CD44: variants seen among roughly 807,000 people sequenced by gnomAD.
The protein encoded by CD44 is CD44 molecule (IN blood group), also known as CD44 antigen.
In CD44, 49 loss-of-function variants were observed where a neutral mutation model predicts 88.8. The ratio of observed to expected loss-of-function variants is 0.55; its 90% confidence interval spans 0.44 to 0.70. The LOEUF (loss-of-function observed/expected upper bound fraction) is 0.70, where lower values mean the gene tolerates loss of function less well. Among genes scored for constraint, CD44 ranks in the 30% least tolerant of loss-of-function variants. The pLI is 0.00. For missense variants in CD44, 883 were observed against 913.8 expected (o/e 0.97, Z 0.43); for synonymous variants, 325 against 312.3 (o/e 1.04, Z -0.43).
chr11:35,197,969 A>G (rs1363665939), intron 6 of CD44, 152 bp from the exon 7 acceptor site: 1 of 629,180 alleles, frequency 1.6e-6, no homozygotes, highest in Non-Finnish European at 2.7e-6. Flanking sequence ...TTCGGAGATC[A>G]GAACATAAGA....
intron 1 of CD44, among the ~76,000 whole-genome samples, chr11:35,163,057 T>G (rs565610559): frequency 1.3e-5 from 2 of 152,318 alleles, no homozygotes; most frequent in African/African-American, 4.8e-5. Flanking sequence ...TTGTCACTTG[T>G]AATGCTTTGT....
chr11:35,226,380 T>C lies in CD44; in HGVS notation c.2025-2749T>C, dbSNP rs537450125. On this transcript the variant is annotated intron_variant, in intron 17 of 17. Coordinates refer to ENST00000428726, the MANE Select transcript of CD44 (RefSeq NM_000610.4). Reference sequence around the variant, plus strand: ...TTAGGGAAATGGGAATTACTTTAACTAGACAACTTTCCTCCAAAGAACACA... The same window carrying C: ...TTAGGGAAATGGGAATTACTTTAACCAGACAACTTTCCTCCAAAGAACACA... 7.9e-5 allele frequency among the ~76,000 whole-genome samples: 12 copies of C among 152,332 alleles called. No individual in the cohort carries two copies. The East Asian group carries it at 2.3e-3, about 29-fold the overall frequency.
chr11:35,158,938 C>T (rs1942257295), intron 1 of CD44, among the ~76,000 whole-genome samples: 1 of 152,230 alleles, frequency 6.6e-6, no homozygotes, highest in Non-Finnish European at 1.5e-5. Flanking sequence ...CAGGATCAGC[C>T]TCTTCCTGCC....
intron 17 of CD44, among the ~76,000 whole-genome samples, chr11:35,225,712 G>T (rs12290471): frequency 0.035 from 5,325 of 152,230 alleles, 270 homozygotes; most frequent in African/African-American, 0.12. Flanking sequence ...AGCTACTTGG[G>T]TGGCTGAGGC....
chr11:35,195,229 T>C (rs1376022606), intron 5 of CD44, among the ~76,000 whole-genome samples: 1 of 152,248 alleles, frequency 6.6e-6, no homozygotes, highest in African/African-American at 2.4e-5. Flanking sequence ...TTAATGGCCA[T>C]ATTTCAAAAT....
intron 4 of CD44, among the ~76,000 whole-genome samples, chr11:35,187,274 C>CA (rs1019788120): frequency 2.0e-4 from 30 of 147,804 alleles, no homozygotes; most frequent in Middle Eastern, 3.4e-3. Context: ...ACTCCATTTC[C>CA]AAAAAAAAAG....
intron 2 of CD44, among the ~76,000 whole-genome samples, chr11:35,179,807 G>T (rs117735723): frequency 1.3e-5 from 2 of 152,300 alleles, no homozygotes; most frequent in East Asian, 1.9e-4. Context: ...GGGACATGAG[G>T]CAGGTCTGGA....
chr11:35,174,149 A>G (rs1944202440), intron 1 of CD44, among the ~76,000 whole-genome samples: 1 of 152,222 alleles, frequency 6.6e-6, no homozygotes, highest in Admixed American at 6.5e-5. Flanking sequence ...AGAACAGAGC[A>G]ACTGGGATTC....
At chr11:35,176,005 C>T (rs1410186539) in intron 1 of CD44, among the ~76,000 whole-genome samples, 2 of 148,932 alleles carry the variant, frequency 1.3e-5, no homozygotes, top group Admixed American at 6.7e-5. Context: ...GCTGGGACTA[C>T]AGGCATGTGC....
chr11:35,204,439 T>A (rs1185687787), intron 9 of CD44, 73 bp from the exon 10 acceptor site: 3 of 1,488,852 alleles, frequency 2.0e-6, no homozygotes, highest in Admixed American at 1.8e-5. Flanking sequence ...GCCCTTAAAG[T>A]AGAAAGATAT....
rs1946813899 is a variant in CD44 at position 35,196,893 on chromosome 11, C to T, written c.796+19C>T. On this transcript the variant is annotated intron_variant, in intron 6 of 17. Transcript: ENST00000428726. ...ATGGCTGGTAATGAGTTATTATTAT[C>T]TCATAGCGTATGTTTTCTTGACAGC... 7.5e-6 allele frequency: 12 copies of T among 1,610,316 alleles called. No individual in the cohort carries two copies. The highest frequency in any genetic ancestry group is 8.5e-6 in the Non-Finnish European group (10 of 1,177,450).
chr11:35,182,669 T>C (rs1224506604), intron 3 of CD44, among the ~76,000 whole-genome samples: 1 of 152,154 alleles, frequency 6.6e-6, no homozygotes, highest in African/African-American at 2.4e-5. Flanking sequence ...TCCATCTCAG[T>C]GCAACAGGTC....
Position 35,196,789 on chromosome 11 carries a change from G to C in CD44, c.711G>C (p.Lys237Asn). The change falls in exon 6 of 18, where the codon AAG becomes AAC. Residue 237 changes from lysine to asparagine, a missense_variant. Coordinates refer to ENST00000428726, the MANE Select transcript of CD44 (RefSeq NM_000610.4). ...CTACAGCAACTGAGACAGCAACCAA[G>C]AGGCAAGAAACCTGGGATTGGTTTT... The part of the protein sequence containing the change: ...TSATATETAT[K>N]RQETWDWFSW... 1 of 1,613,834 alleles carries C rather than the reference G, an allele frequency of 6.2e-7. No individual in the cohort carries two copies. The highest frequency in any genetic ancestry group is 8.5e-7 in the Non-Finnish European group (1 of 1,179,782).
rs1409453395 is a variant in CD44 at position 35,196,862 on chromosome 11, A to C, written c.784A>C (p.Thr262Pro). The change falls in exon 6 of 18, where the codon ACA (threonine) becomes CCA (proline). Residue 262 changes from threonine (T) to proline (P), a missense_variant. Coordinates refer to ENST00000428726, the MANE Select transcript of CD44 (RefSeq NM_000610.4). ...GTCAAAGAATCATCTTCACACAACA[A>C]CACAAATGGCTGGTAATGAGTTATT... ...SESKNHLHTT[T>P]QMAGTSSNTI... is the part of the protein sequence containing the mutation. 1 of 1,613,370 alleles carries C rather than the reference A, an allele frequency of 6.2e-7. No individual in the cohort carries two copies. Among genetic ancestry groups the C allele is most frequent in the Admixed American group, 1.7e-5 (1 of 59,990 alleles).
At chr11:35,178,117 G>A (rs1944645007) in intron 2 of CD44, among the ~76,000 whole-genome samples, 1 of 152,228 alleles carries the variant, frequency 6.6e-6, no homozygotes, top group Non-Finnish European at 1.5e-5. Flanking sequence ...AGGCCATTTA[G>A]CAAATCCATT....
At chr11:35,171,524 C>G (rs941725139) in intron 1 of CD44, among the ~76,000 whole-genome samples, 8 of 152,190 alleles carry the variant, frequency 5.3e-5, no homozygotes, top group African/African-American at 1.9e-4. Flanking sequence ...TTGAGTTTGT[C>G]TGTTTCATCC....
intron 1 of CD44, chr11:35,139,591 GA>G (rs1274927867): frequency 3.9e-6 from 3 of 760,522 alleles, no homozygotes; most frequent in Non-Finnish European, 7.2e-6. Context: ...AGAAAGAGAA[GA>G]AAGTTTGTTG....
intron 1 of CD44, among the ~76,000 whole-genome samples, chr11:35,174,852 T>G (rs975471932): frequency 5.9e-5 from 9 of 152,204 alleles, no homozygotes; most frequent in African/African-American, 2.2e-4. Context: ...GGTACTGTTA[T>G]AGGGATTAGA....
At chr11:35,216,062 CAG>C (rs1479832330) in intron 15 of CD44, among the ~76,000 whole-genome samples, 2 of 151,298 alleles carry the variant, frequency 1.3e-5, no homozygotes, top group Non-Finnish European at 2.9e-5. Context: ...TTGACAGGAC[CAG>C]AGAGTGATGG....
Sources: allele counts gnomAD v4.1 joint callset (sites outside exome capture counted in the v4.1 genomes callset), GRCh38; gene constraint gnomAD v4.1.1; transcripts MANE v1.5; gene names NCBI Gene and HGNC (gene_info 2026-07-23, HGNC 2026-07-21).